Variants in WDR59 observed in about 807,000 individuals in gnomAD.
WDR59 encodes the protein GATOR2 complex protein WDR59.
In WDR59, 100 loss-of-function variants were observed where a neutral mutation model predicts 131.2. That is an observed-to-expected ratio of 0.76 (90% CI 0.65 to 0.90). The LOEUF (loss-of-function observed/expected upper bound fraction) is 0.90. Among genes scored for constraint, WDR59 ranks in the 40% least tolerant of loss-of-function variants. WDR59 has a pLI of 0.00. For synonymous variants in WDR59, 601 were observed against 466.2 expected (o/e 1.29, Z -3.72); for missense variants, 1,203 against 1,262.2 (o/e 0.95, Z 0.71).
intron 25 of WDR59, among the ~76,000 whole-genome samples, chr16:74,874,875 G>T (rs1398617678): frequency 1.3e-5 from 2 of 152,166 alleles, no homozygotes; most frequent in African/African-American, 4.8e-5. Flanking sequence ...ATAGGCGTGA[G>T]CCACTGTGCC....
chr16:74,910,925 G>A (rs745588163), intron 14 of WDR59, among the ~76,000 whole-genome samples: 8 of 152,016 alleles, frequency 5.3e-5, no homozygotes, highest in African/African-American at 7.2e-5. Flanking sequence ...GTGCAGCCAC[G>A]TGATCTTGGC....
rs1289727708 is a variant in WDR59 at position 74,977,116 on chromosome 16, GAC to G, written c.54+7846_54+7847del. Among the ~76,000 whole-genome samples the G allele has an allele frequency of 7.2e-5, 11 of 152,012 alleles. No homozygotes were observed. In the South Asian group the frequency reaches 1.2e-3, roughly 17 times the overall value. On this transcript the variant is annotated intron_variant, in intron 1 of 25. Transcript: ENST00000262144. Reference sequence around the variant, plus strand: ...CTGGGAGTGGTAACTCACAAATACAGACACAGTTACTTGGGAGGCAGAACCAG... The same window carrying G: ...CTGGGAGTGGTAACTCACAAATACAGACAGTTACTTGGGAGGCAGAACCAG...
At chr16:74,898,028 G>A (rs1015738099) in intron 18 of WDR59, among the ~76,000 whole-genome samples, 2 of 152,160 alleles carry the variant, frequency 1.3e-5, no homozygotes, top group African/African-American at 2.4e-5. Flanking sequence ...CATCTTTTCA[G>A]GGTATTTTCC....
rs1161086427 is a variant in WDR59 at position 74,875,179 on chromosome 16, C to T, written c.2690-735G>A. ...CTGCCCACTCGCCACTGGCCCAAGT[C>T]AGGACACCGGGATGCCGCTCCACCG... On this transcript the variant is annotated intron_variant, in intron 25 of 25. Transcript: ENST00000262144. Among the ~76,000 whole-genome samples, 5 of 152,240 alleles carry T rather than the reference C, an allele frequency of 3.3e-5. No individual in the cohort carries two copies. The East Asian group carries it at 9.6e-4, about 29-fold the overall frequency.
At chr16:74,875,652 CT>C (rs1370336163) in intron 25 of WDR59, among the ~76,000 whole-genome samples, 1 of 152,200 alleles carries the variant, frequency 6.6e-6, no homozygotes, top group Non-Finnish European at 1.5e-5. Context: ...CCACCTGCCC[CT>C]TTCTAGCTGC....
At chr16:74,911,194 C>T (rs10871297) in intron 14 of WDR59, among the ~76,000 whole-genome samples, 150,728 of 152,308 alleles carry the variant, frequency 0.99, 74,599 homozygotes, top group East Asian at 1. Context: ...CAAAAGAGTT[C>T]GCAACCTAAT....
chr16:74,975,527 G>T (rs973167332), intron 1 of WDR59, among the ~76,000 whole-genome samples: 3 of 151,908 alleles, frequency 2.0e-5, no homozygotes, highest in Admixed American at 6.6e-5. Context: ...AGCCGGACAT[G>T]ATGGCAGGCG....
At chr16:74,934,742 G>C (rs531021243) in intron 8 of WDR59, among the ~76,000 whole-genome samples, 2 of 152,124 alleles carry the variant, frequency 1.3e-5, no homozygotes, top group Non-Finnish European at 2.9e-5. Flanking sequence ...GAGCCCAGGA[G>C]TTCAAAACCA....
At chr16:74,924,502 G>C (rs73605962) in intron 8 of WDR59, among the ~76,000 whole-genome samples, 2,423 of 152,188 alleles carry the variant, frequency 0.016, 46 homozygotes, top group African/African-American at 0.056. Context: ...AGGTCACAAA[G>C]AAAAAAGGCA....
rs2033304811 is a variant in WDR59, at chr16:74,956,589, G to A, written c.126C>T (p.Val42=). The change falls in exon 3 of 26, where the codon GTC becomes GTT. Residue 42 remains valine, a synonymous_variant. Coordinates refer to ENST00000262144, the MANE Select transcript of WDR59 (RefSeq NM_030581.4). ...GACCTTCGAAAGGGGCATCTAGATT[G>A]ACGATGTATAAGAATCTGCGGCTAG... ...VLSGRRFLYI[V]NLDAPFEGHR... 1 of 1,614,122 alleles carries A rather than the reference G, an allele frequency of 6.2e-7. No individual in the cohort carries two copies. Among genetic ancestry groups the A allele is most frequent in the South Asian group, 1.1e-5 (1 of 91,076 alleles).
At chr16:74,891,427 A>G (rs1368422840) in intron 20 of WDR59, among the ~76,000 whole-genome samples, 2 of 152,228 alleles carry the variant, frequency 1.3e-5, no homozygotes, top group African/African-American at 4.8e-5. Context: ...TCTATAATCA[A>G]TAACCTAGTG....
At chr16:74,928,959 C>A (rs2031130189) in intron 8 of WDR59, among the ~76,000 whole-genome samples, 1 of 152,116 alleles carries the variant, frequency 6.6e-6, no homozygotes. Flanking sequence ...ATCTGCAAAC[C>A]ATCTATGTGA....
Position 74,948,522 on chromosome 16 carries a change from C to T in WDR59, c.442G>A (p.Val148Ile), listed in dbSNP as rs147831394. The change falls in exon 6 of 26, where the codon GTT becomes ATT. Residue 148 changes from valine (V) to isoleucine (I), a missense_variant. Coordinates refer to ENST00000262144, the MANE Select transcript of WDR59 (RefSeq NM_030581.4). ...TRKPTVALSA[V>I]AGASQVKWNK... is the part of the protein sequence containing the mutation. ...GGTGGGAGAAGCATACACTCACCAA[C>T]AGCAGACAGTGCAACAGTAGGTTTC... 1.4e-4 allele frequency: 218 copies of T among 1,613,906 alleles called. No homozygotes were observed. The East Asian group carries it at 4.8e-3, about 35-fold the overall frequency.
chr16:74,953,616 A>G (rs748783860), intron 3 of WDR59, among the ~76,000 whole-genome samples: 1 of 152,238 alleles, frequency 6.6e-6, no homozygotes, highest in Non-Finnish European at 1.5e-5. Context: ...AAACATTTGC[A>G]AATCATACAT....
At chr16:74,982,920 C>A (rs1192549496) in intron 1 of WDR59, among the ~76,000 whole-genome samples, 2 of 152,238 alleles carry the variant, frequency 1.3e-5, no homozygotes, top group East Asian at 1.9e-4. Context: ...TTATCCAGAT[C>A]TCCCTCAGTA....
chr16:74,956,596 T>A lies in WDR59; in HGVS notation c.119A>T (p.Tyr40Phe). ...HAVLSGRRFLYIVNLDAPFEG... is the reference protein window; with the variant it reads ...HAVLSGRRFLFIVNLDAPFEG... ...GAAAGGGGCATCTAGATTGACGATG[T>A]ATAAGAATCTGCGGCTAGAGACCAA... The change falls in exon 3 of 26, where the codon TAC (tyrosine) becomes TTC (phenylalanine). Residue 40 changes from tyrosine (Y) to phenylalanine (F), a missense_variant. Tyr to Phe is a conservative substitution (Grantham distance 22). Coordinates refer to ENST00000262144, the MANE Select transcript of WDR59 (RefSeq NM_030581.4). The A allele has an allele frequency of 6.2e-7, 1 of 1,614,028 alleles. No homozygotes were observed. Among genetic ancestry groups the A allele is most frequent in the African/African-American group, 1.3e-5 (1 of 75,030 alleles).
chr16:74,974,098 A>T (rs1372760690), intron 1 of WDR59, among the ~76,000 whole-genome samples: 2 of 152,234 alleles, frequency 1.3e-5, no homozygotes, highest in Non-Finnish European at 2.9e-5. Context: ...TCAACCCAGG[A>T]GGCAGAGTTT....
At chr16:74,902,575 C>A (rs979605955) in intron 18 of WDR59, among the ~76,000 whole-genome samples, 2 of 152,110 alleles carry the variant, frequency 1.3e-5, no homozygotes, top group Non-Finnish European at 2.9e-5. Flanking sequence ...TCTGCCCAAT[C>A]TGAACCCAAG....
intron 8 of WDR59, among the ~76,000 whole-genome samples, chr16:74,935,174 G>A (rs758032023): frequency 6.6e-5 from 10 of 151,772 alleles, no homozygotes; most frequent in Non-Finnish European, 8.8e-5. Context: ...AGGCTGCAGC[G>A]AGCCAAGATC....
Sources: gnomAD v4.1 joint callset for allele counts (sites outside exome capture counted in the v4.1 genomes callset) on GRCh38, gnomAD v4.1.1 for gene constraint, MANE v1.5 for transcripts, NCBI Gene and HGNC (gene_info 2026-07-23, HGNC 2026-07-21) for gene names.